The following DDX17 variants were observed in gnomAD, a reference collection of about 807,000 sequenced individuals.
The protein encoded by DDX17 is probable ATP-dependent RNA helicase DDX17.
A neutral mutation model predicts 80.8 loss-of-function variants in DDX17; 10 were observed. That is an observed-to-expected ratio of 0.12 (90% CI 0.08 to 0.21). DDX17 has a LOEUF of 0.21. DDX17 is among the 10% of genes least tolerant of loss of function. The pLI, the probability that DDX17 is intolerant of heterozygous loss-of-function variation, is 1.00. For synonymous variants in DDX17, 339 were observed against 336.2 expected (o/e 1.01, Z -0.09); for missense variants, 586 against 957.4 (o/e 0.61, Z 5.12).
At chr22:38,494,489 G>A (rs1268385809) in intron 8 of DDX17, 141 bp downstream of exon 8, 1 of 760,102 alleles carries the variant, frequency 1.3e-6, no homozygotes, top group African/African-American at 1.8e-5. Context: ...CAAATGATAT[G>A]ATGATGGATT....
At chr22:38,495,375 A>G (rs901012231) in intron 6 of DDX17, among the ~76,000 whole-genome samples, 1 of 151,226 alleles carries the variant, frequency 6.6e-6, no homozygotes, top group African/African-American at 2.4e-5. Flanking sequence ...CCTCCCCAGT[A>G]GCTGGGACTG....
chr22:38,505,854 G>A (rs1308745393), intron 1 of DDX17, 97 bp downstream of exon 1: 6 of 1,428,142 alleles, frequency 4.2e-6, no homozygotes, highest in Non-Finnish European at 5.6e-6. Flanking sequence ...CTCCCGGGTC[G>A]AGAGCAAGGC....
At chr22:38,495,738 C>G in intron 6 of DDX17, 58 bp downstream of exon 6, 1 of 1,354,780 alleles carries the variant, frequency 7.4e-7, no homozygotes, top group Non-Finnish European at 9.7e-7. Context: ...CCAATTTCCT[C>G]CACAGGAATT....
In DDX17 at chr22:38,506,240, T is replaced by C; in HGVS notation, c.-3A>G. 6.2e-7 allele frequency: 1 copy of C among 1,600,818 alleles called. No homozygotes were observed. The highest frequency in any genetic ancestry group is 8.5e-7 in the Non-Finnish European group (1 of 1,174,710). ...GGGGCTACAAAGCCGGTGGGCAGGTTTGGCTACGCTCAAACCGGGCAGTGC... is the reference window on the plus strand; with the variant it reads ...GGGGCTACAAAGCCGGTGGGCAGGTCTGGCTACGCTCAAACCGGGCAGTGC... On this transcript the variant is annotated 5_prime_UTR_variant, in exon 1 of 13. Transcript: ENST00000403230.
intron 11 of DDX17, chr22:38,488,453 T>C: frequency 8.6e-7 from 1 of 1,165,034 alleles, no homozygotes; most frequent in Non-Finnish European, 1.1e-6. Context: ...CAAATTCCAG[T>C]ACTATCCTTT....
At chr22:38,497,935 C>A in intron 5 of DDX17, 150 bp downstream of exon 5, 1 of 688,538 alleles carries the variant, frequency 1.5e-6, no homozygotes, top group Non-Finnish European at 2.4e-6. Context: ...TTGGGTAAGT[C>A]ATTTAATTCC....
In DDX17 at chr22:38,506,080, A is replaced by G. The variant is rs759663493; in HGVS notation, c.158T>C (p.Val53Ala). The G allele has an allele frequency of 1.9e-6, 3 of 1,581,214 alleles. No individual in the cohort carries two copies. The highest frequency in any genetic ancestry group is 2.6e-6 in the Non-Finnish European group (3 of 1,164,310). Residue 53 changes from valine (V) to alanine (A), a missense_variant, in exon 1 of 13, where the codon GTC becomes GCC. Physicochemically the swap from Val to Ala is moderately conservative, Grantham distance 64. Coordinates refer to ENST00000403230, the MANE Select transcript of DDX17 (RefSeq NM_006386.5). ...GGCCTGCGGCTCCGGTCTGGTGACG[A>G]CCGATGGCGGCGGCGCCTCCGCTGT...
At chr22:38,502,831 T>C (rs1038286115) in intron 1 of DDX17, among the ~76,000 whole-genome samples, 2 of 152,216 alleles carry the variant, frequency 1.3e-5, no homozygotes, top group African/African-American at 4.8e-5. Context: ...TTAGTTCCCT[T>C]TTCCCACTCT....
At chr22:38,486,955 T>C (rs1321303335) in intron 12 of DDX17, among the ~76,000 whole-genome samples, 5 of 152,094 alleles carry the variant, frequency 3.3e-5, no homozygotes, top group Admixed American at 6.5e-5. Context: ...GGAGGGTCAC[T>C]TGAGGTCAGC....
At chr22:38,496,126 C>T (rs1055613172) in intron 5 of DDX17, among the ~76,000 whole-genome samples, 189 bp from the exon 6 acceptor site, 7 of 151,800 alleles carry the variant, frequency 4.6e-5, no homozygotes, top group Non-Finnish European at 7.4e-5. Context: ...ATTATTAGAA[C>T]TTCATGTTTA....
At chr22:38,490,040 G>C in intron 11 of DDX17, 1 of 1,039,184 alleles carries the variant, frequency 9.6e-7, no homozygotes, top group Non-Finnish European at 1.2e-6. Flanking sequence ...TTTCTAGAAG[G>C]GGGTGCTCAA....
chr22:38,495,781 AC>A lies in DDX17; in HGVS notation c.880+14del, dbSNP rs2089758412. 6.5e-7 allele frequency: 1 copy of A among 1,534,068 alleles called. No individual in the cohort carries two copies. The highest frequency in any genetic ancestry group is 2.0e-5 in the Admixed American group (1 of 49,168). On this transcript the variant is annotated intron_variant, in intron 6 of 12. Transcript: ENST00000403230. ...TAAGATAAACTAACAATTCTTTTACACTATATATTATTACCTCTTTCCAAGT... is the reference window on the plus strand; with the variant it reads ...TAAGATAAACTAACAATTCTTTTACATATATATTATTACCTCTTTCCAAGT...
chr22:38,486,871 T>C (rs1177038412), intron 12 of DDX17, among the ~76,000 whole-genome samples: 6 of 151,958 alleles, frequency 3.9e-5, no homozygotes, highest in Non-Finnish European at 7.4e-5. Context: ...TTTTTGAAAG[T>C]ATTAAAAAAG....
At chr22:38,499,338 T>C in intron 3 of DDX17, 62 bp downstream of exon 3, 1 of 1,292,844 alleles carries the variant, frequency 7.7e-7, no homozygotes, top group Admixed American at 1.7e-5. Flanking sequence ...TTTAACCTAC[T>C]ACCCTTGTCT....
At chr22:38,495,958 C>G (rs2089760522) in intron 5 of DDX17, 21 bp from the exon 6 acceptor site, 1 of 1,236,294 alleles carries the variant, frequency 8.1e-7, no homozygotes, top group South Asian at 1.6e-5. Flanking sequence ...CAAAAAGACA[C>G]TTGAGACCTC....
intron 12 of DDX17, 43 bp from the exon 13 acceptor site, chr22:38,486,483 A>C (rs1473723350): frequency 6.6e-7 from 1 of 1,514,834 alleles, no homozygotes; most frequent in Admixed American, 2.2e-5. Flanking sequence ...CAGATATAGG[A>C]CCTAAACATA....
At chr22:38,505,689 C>T (rs2089874048) in intron 1 of DDX17, 2 of 450,602 alleles carry the variant, frequency 4.4e-6, no homozygotes, top group Admixed American at 4.4e-5. Context: ...CCCGATCCCC[C>T]GCGGGGCTGG....
chr22:38,504,966 T>C (rs1472229559), intron 1 of DDX17, among the ~76,000 whole-genome samples: 2 of 152,136 alleles, frequency 1.3e-5, no homozygotes, highest in African/African-American at 4.8e-5. Flanking sequence ...TGGAGTGCAA[T>C]GGCGCGATCT....
chr22:38,498,633 T>C (rs1333096458), intron 3 of DDX17, 60 bp from the exon 4 acceptor site: 1 of 1,579,088 alleles, frequency 6.3e-7, no homozygotes. Context: ...CCAAGAGTTT[T>C]TAAAAAAACT....
Sources: gnomAD v4.1 joint callset for allele counts (sites outside exome capture counted in the v4.1 genomes callset) on GRCh38, gnomAD v4.1.1 for gene constraint, MANE v1.5 for transcripts, NCBI Gene and HGNC (gene_info 2026-07-23, HGNC 2026-07-21) for gene names.